Variants in AK4 observed in about 807,000 individuals in gnomAD.
The protein encoded by AK4 is adenylate kinase 4.
Under a neutral mutation model 24.6 loss-of-function variants are expected in AK4, and 13 were observed. The ratio of observed to expected loss-of-function variants is 0.53; its 90% CI spans 0.34 to 0.84. The LOEUF is 0.84. Among genes scored for constraint, AK4 ranks in the 40% least tolerant of loss-of-function variants. The pLI, the probability that AK4 is intolerant of heterozygous loss-of-function variation, is 0.01. For missense variants in AK4, 192 were observed against 288.2 expected (o/e 0.67, Z 2.42); for synonymous variants, 88 against 107.0 (o/e 0.82, Z 1.10).
At position 65,230,765 on chromosome 1, in the gene AK4, G is replaced by T. The variant is rs1652617546; in HGVS notation, c.*4588G>T. The T allele has an allele frequency of 6.6e-6, 1 of 152,194 alleles. No homozygotes were observed. The highest frequency in any genetic ancestry group is 2.1e-4 in the South Asian group (1 of 4,834). 9.4% of individuals were successfully genotyped at this position (152,194 alleles called of 1,614,324 possible). On this transcript the variant is annotated 3_prime_UTR_variant, in exon 5 of 5. Coordinates refer to ENST00000327299, the MANE Select transcript of AK4 (RefSeq NM_013410.4). ...AATCTGTTTTTGGTGCTTTGGTGCA[G>T]AGACAGGAAATGGGCACTCAGAGTC...
At chr1:65,155,248 T>C (rs1459570659) in intron 1 of AK4, among the ~76,000 whole-genome samples, 1 of 151,808 alleles carries the variant, frequency 6.6e-6, no homozygotes, top group Non-Finnish European at 1.5e-5. Context: ...GCTTAATAAA[T>C]GTTTCATTTA....
chr1:65,196,877 C>G (rs1436108284), intron 2 of AK4, among the ~76,000 whole-genome samples: 1 of 152,148 alleles, frequency 6.6e-6, no homozygotes, highest in African/African-American at 2.4e-5. Flanking sequence ...AATGGACTTA[C>G]AGTTCCACGT....
chr1:65,156,913 G>A (rs1263491078), intron 1 of AK4, among the ~76,000 whole-genome samples: 2 of 137,474 alleles, frequency 1.5e-5, no homozygotes, highest in Non-Finnish European at 3.0e-5. Context: ...ACGACAGGGC[G>A]AGACTGTGTC....
intron 3 of AK4, among the ~76,000 whole-genome samples, chr1:65,220,375 A>T (rs1652259213): frequency 6.6e-6 from 1 of 152,220 alleles, no homozygotes. Context: ...TCTCCATATC[A>T]TCACCAGTAT....
chr1:65,218,741 TC>T lies in AK4; in HGVS notation c.266-12del. ...ATAGCTTGCATTTCACTTGTTTTGT[TC>T]TTTGCATTTAGGTTTTCCTAGGACA... On this transcript the variant is annotated splice_polypyrimidine_tract_variant and intron_variant, in intron 2 of 4. Transcript: ENST00000327299. 6.4e-7 allele frequency: 1 copy of T among 1,565,622 alleles called. No homozygotes were observed. The highest frequency in any genetic ancestry group is 8.6e-7 in the Non-Finnish European group (1 of 1,157,490).
intron 1 of AK4, among the ~76,000 whole-genome samples, chr1:65,165,472 C>T (rs1433045666): frequency 6.6e-6 from 1 of 151,498 alleles, no homozygotes; most frequent in East Asian, 1.9e-4. Flanking sequence ...CACTTGAGCT[C>T]AGGAGTTCAA....
chr1:65,207,613 G>A (rs557029615), intron 2 of AK4, among the ~76,000 whole-genome samples: 5 of 147,852 alleles, frequency 3.4e-5, no homozygotes, highest in East Asian at 4.0e-4. Flanking sequence ...GTGCAGGTTC[G>A]TTACACGGGT....
At chr1:65,153,039 G>A (rs571901246) in intron 1 of AK4, among the ~76,000 whole-genome samples, 2 of 152,086 alleles carry the variant, frequency 1.3e-5, no homozygotes, top group Non-Finnish European at 2.9e-5. Flanking sequence ...CCCCCTAGCT[G>A]GGTGAGACTC....
chr1:65,201,708 G>C (rs763550701), intron 2 of AK4, among the ~76,000 whole-genome samples: 7 of 152,192 alleles, frequency 4.6e-5, no homozygotes, highest in Non-Finnish European at 1.0e-4. Flanking sequence ...CTGGCGCAGA[G>C]AGGGAAGTAA....
intron 2 of AK4, among the ~76,000 whole-genome samples, chr1:65,215,176 C>CTTTCT (rs1553127384): frequency 7.9e-5 from 9 of 114,630 alleles, no homozygotes; most frequent in East Asian, 4.4e-4. Context: ...TTCTTTCTTT[C>CTTTCT]TTTTTTTTTT....
At position 65,228,755 on chromosome 1, in the gene AK4, C is replaced by T. The variant is rs1168110874; in HGVS notation, c.*2578C>T. On this transcript the variant is annotated 3_prime_UTR_variant, in exon 5 of 5. Transcript: ENST00000327299. ...TTTTCTATTGCCACACATGACCGTTCCTTCACCTTTAAGCAAAGAGAGTGG... is the reference window on the plus strand; with the variant it reads ...TTTTCTATTGCCACACATGACCGTTTCTTCACCTTTAAGCAAAGAGAGTGG... 6.6e-6 allele frequency: 1 copy of T among 150,666 alleles called. No homozygotes were observed. Among genetic ancestry groups the T allele is most frequent in the African/African-American group, 2.4e-5 (1 of 40,974 alleles). 9.3% of individuals were successfully genotyped at this position (150,666 alleles called of 1,614,324 possible). A position where few individuals can be genotyped will look rare whatever the true frequency, so the allele number is the denominator to read the frequency against.
In AK4 at chr1:65,228,915, C is replaced by T. The variant is rs1156668596; in HGVS notation, c.*2738C>T. 4 of 152,110 alleles carry T rather than the reference C, an allele frequency of 2.6e-5. No individual in the cohort carries two copies. The highest frequency in any genetic ancestry group is 9.7e-5 in the African/African-American group (4 of 41,428). 9.4% of individuals were successfully genotyped at this position (152,110 alleles called of 1,614,324 possible). ...TGGAAAGGCTGCTGTATTTAATACC[C>T]TCCAACACTAACGCAGACTTAAGAT... On this transcript the variant is annotated 3_prime_UTR_variant, in exon 5 of 5. Coordinates refer to ENST00000327299, the MANE Select transcript of AK4 (RefSeq NM_013410.4).
chr1:65,211,007 G>C (rs1268185850), intron 2 of AK4, among the ~76,000 whole-genome samples: 1 of 152,120 alleles, frequency 6.6e-6, no homozygotes, highest in Non-Finnish European at 1.5e-5. Context: ...TGTGTTTCAG[G>C]TCATGTGCAA....
chr1:65,155,341 C>G (rs536352981), intron 1 of AK4, among the ~76,000 whole-genome samples: 1 of 151,982 alleles, frequency 6.6e-6, no homozygotes, highest in Non-Finnish European at 1.5e-5. Context: ...GGCTTGGTGG[C>G]GTGTGCCTAT....
intron 1 of AK4, among the ~76,000 whole-genome samples, chr1:65,150,285 CT>C (rs71703627): frequency 1.1e-3 from 152 of 140,716 alleles, no homozygotes; most frequent in Middle Eastern, 7.4e-3. Flanking sequence ...CTCTCTCTCT[CT>C]TTTTTTTTTT....
chr1:65,187,407 T>A (rs1651139729), intron 1 of AK4, among the ~76,000 whole-genome samples: 1 of 149,638 alleles, frequency 6.7e-6, no homozygotes, highest in Non-Finnish European at 1.5e-5. Flanking sequence ...ACAGAAAGAT[T>A]GGTAGTTGCT....
chr1:65,160,377 A>G (rs1650120924), intron 1 of AK4, among the ~76,000 whole-genome samples: 2 of 152,280 alleles, frequency 1.3e-5, no homozygotes, highest in Non-Finnish European at 2.9e-5. Flanking sequence ...CTCACATGGC[A>G]GAAAGGATGG....
intron 2 of AK4, among the ~76,000 whole-genome samples, chr1:65,216,439 T>C (rs1181525332): frequency 6.6e-6 from 1 of 152,196 alleles, no homozygotes; most frequent in Non-Finnish European, 1.5e-5. Context: ...TACGACATTC[T>C]TTTAAAAGAA....
At position 65,170,114 on chromosome 1, in the gene AK4, C is replaced by T. The variant is rs1189027809; in HGVS notation, c.146-20596C>T. 5.9e-5 allele frequency among the ~76,000 whole-genome samples: 9 copies of T among 152,244 alleles called. No homozygotes were observed. In the South Asian group the frequency reaches 1.0e-3, roughly 18 times the overall value. On this transcript the variant is annotated intron_variant, in intron 1 of 4. Transcript: ENST00000327299. ...AGTTTTGGCCAGGCGTGGTGGCTCA[C>T]GCCTGTAATCCCAGCACTTTGGGAG... is the stretch of plus-strand genomic sequence containing the variant.
Sources: allele counts gnomAD v4.1 joint callset (sites outside exome capture counted in the v4.1 genomes callset), GRCh38; gene constraint gnomAD v4.1.1; transcripts MANE v1.5; gene names NCBI Gene and HGNC (gene_info 2026-07-23, HGNC 2026-07-21).